The following PF4V1 variants were observed in gnomAD, a reference collection of about 807,000 sequenced individuals.
The protein encoded by PF4V1 is platelet factor 4 variant 1, also known as platelet factor 4 variant.
PF4V1 carries 4 observed loss-of-function variants against 6.9 expected under a neutral mutation model. That is an observed-to-expected ratio of 0.58 (90% confidence interval 0.29 to 1.34). The LOEUF (loss-of-function observed/expected upper bound fraction) is 1.34, where lower values mean the gene tolerates loss of function less well. PF4V1 is among the 40% of genes most tolerant of loss of function. PF4V1 has a pLI of 0.09. For synonymous variants in PF4V1, 68 were observed against 55.9 expected (o/e 1.22, Z -0.97); for missense variants, 127 against 128.6 (o/e 0.99, Z 0.06).
chr4:73,854,076 A>G lies in PF4V1; in HGVS notation c.269A>G (p.Gln90Arg). Residue 90 changes from glutamine to arginine, a missense_variant, in exon 3 of 3, where the codon CAA becomes CGA. By Grantham distance (43) the Gln-to-Arg change is conservative (BLOSUM62 1). Transcript: ENST00000226524. The part of the protein sequence containing the change: ...KNGRKICLDL[Q>R]ALLYKKIIKE... ...GGGAGGAAAATTTGCTTGGATCTGC[A>G]AGCCCTGCTGTACAAGAAAATCATT... The G allele has an allele frequency of 6.2e-7, 1 of 1,614,204 alleles. No homozygotes were observed. Among genetic ancestry groups the G allele is most frequent in the Non-Finnish European group, 8.5e-7 (1 of 1,180,014 alleles).
intron 1 of PF4V1, among the ~76,000 whole-genome samples, 153 bp from the exon 2 acceptor site, chr4:73,853,630 A>T (rs1731476040): frequency 6.6e-6 from 1 of 152,214 alleles, no homozygotes; most frequent in Non-Finnish European, 1.5e-5. Flanking sequence ...TCGCCACCTG[A>T]TCAGCACAAC....
At chr4:73,853,602 A>T in intron 1 of PF4V1, 140 bp downstream of exon 1, 1 of 1,265,840 alleles carries the variant, frequency 7.9e-7, no homozygotes, top group Non-Finnish European at 1.1e-6. Context: ...GTACAGTGCC[A>T]GGCACTGCAC....
chr4:73,853,705 C>T, intron 1 of PF4V1, 78 bp from the exon 2 acceptor site: 1 of 1,517,010 alleles, frequency 6.6e-7, no homozygotes, highest in South Asian at 1.2e-5. Flanking sequence ...GGAAAAGGTC[C>T]CTAAAGTATC....
chr4:73,853,679 G>T, intron 1 of PF4V1, 104 bp from the exon 2 acceptor site: 2 of 1,449,252 alleles, frequency 1.4e-6, no homozygotes, highest in Non-Finnish European at 1.9e-6. Context: ...CTAAGGAAAA[G>T]AAAGCTGAAG....
rs748049136 is a variant in PF4V1 at position 73,853,868 on chromosome 4, G to T, written c.186G>T (p.Glu62Asp). 2 of 1,612,756 alleles carry T rather than the reference G, an allele frequency of 1.2e-6. No individual in the cohort carries two copies. The highest frequency in any genetic ancestry group is 2.7e-5 in the African/African-American group (2 of 74,176). Residue 62 changes from glutamate (E) to aspartate (D), a missense_variant, in exon 2 of 3, where the codon GAG (glutamate) becomes GAT (aspartate). Physicochemically the swap from Glu to Asp is conservative, Grantham distance 45 (BLOSUM62 2). Coordinates refer to ENST00000226524, the MANE Select transcript of PF4V1 (RefSeq NM_002620.4). ...QVRPRHITSL[E>D]VIKAGPHCPT... is the part of the protein sequence containing the mutation. Reference sequence around the variant, plus strand: ...GTCCCAGGCACATCACCAGCCTGGAGGTGATCAAGGCCGGACCCCACTGCC... The same window carrying T: ...GTCCCAGGCACATCACCAGCCTGGATGTGATCAAGGCCGGACCCCACTGCC...
Position 73,853,327 on chromosome 4 carries a change from T to C in PF4V1, c.-36T>C. 1 of 1,566,272 alleles carries C rather than the reference T, an allele frequency of 6.4e-7. No homozygotes were observed. The highest frequency in any genetic ancestry group is 8.8e-7 in the Non-Finnish European group (1 of 1,136,708). ...TGCAGAACCCCAGCCCGACTTTCCC[T>C]GCGCACTGGGATCCTGCTGGAACCT... On this transcript the variant is annotated 5_prime_UTR_variant, in exon 1 of 3. Coordinates refer to ENST00000226524, the MANE Select transcript of PF4V1 (RefSeq NM_002620.4).
In PF4V1 at chr4:73,854,225, G is replaced by T; in HGVS notation, c.*103G>T. 1 of 758,812 alleles carries T rather than the reference G, an allele frequency of 1.3e-6. No individual in the cohort carries two copies. Among genetic ancestry groups the T allele is most frequent in the Non-Finnish European group, 2.1e-6 (1 of 477,512 alleles). 47.0% of individuals were successfully genotyped at this position (758,812 alleles called of 1,614,324 possible). A position where few individuals can be genotyped will look rare whatever the true frequency, so the allele number is the denominator to read the frequency against. On this transcript the variant is annotated 3_prime_UTR_variant, in exon 3 of 3. Coordinates refer to ENST00000226524, the MANE Select transcript of PF4V1 (RefSeq NM_002620.4). ...ATATTAACGAAATAAATCAAGTTGTGGTATAGTCAATCTATTTCTTAATAA... is the reference window on the plus strand; with the variant it reads ...ATATTAACGAAATAAATCAAGTTGTTGTATAGTCAATCTATTTCTTAATAA...
chr4:73,853,515 G>A lies in PF4V1; in HGVS notation c.100+53G>A, dbSNP rs979324884. ...CCAGCAGCGGCGAGGGGGAGTCCGG[G>A]AAGCCCTGGGGCTGGGGAGGAATCC... On this transcript the variant is annotated intron_variant, in intron 1 of 2. Coordinates refer to ENST00000226524, the MANE Select transcript of PF4V1 (RefSeq NM_002620.4). 5 of 1,542,480 alleles carry A rather than the reference G, an allele frequency of 3.2e-6. No individual in the cohort carries two copies. The African/African-American group carries it at 6.8e-5, about 21-fold the overall frequency.
rs765426968 is a variant in PF4V1 at position 73,853,382 on chromosome 4, C to G, written c.20C>G (p.Ser7Cys). Residue 7 changes from serine (S) to cysteine (C), a missense_variant, in exon 1 of 3, where the codon TCC becomes TGC. Ser to Cys is a moderately radical substitution (Grantham distance 112). Coordinates refer to ENST00000226524, the MANE Select transcript of PF4V1 (RefSeq NM_002620.4). The stretch of plus-strand genomic sequence containing the variant: ...TGCAACATGAGCTCCGCAGCCAGGT[C>G]CCGCCTCACCCGCGCCACCCGCCAG... Reference protein sequence around the residue: MSSAARSRLTRATRQEM... With the variant: MSSAARCRLTRATRQEM... The G allele has an allele frequency of 1.9e-6, 3 of 1,614,014 alleles. No individual in the cohort carries two copies. The highest frequency in any genetic ancestry group is 1.7e-5 in the Admixed American group (1 of 60,030).
rs1049919764 is a variant in PF4V1, at chr4:73,853,350, C to G, written c.-13C>G. On this transcript the variant is annotated 5_prime_UTR_variant, in exon 1 of 3. Transcript: ENST00000226524. ...CCTGCGCACTGGGATCCTGCTGGAA[C>G]CTCAGCTGCAACATGAGCTCCGCAG... 5 of 1,611,238 alleles carry G rather than the reference C, an allele frequency of 3.1e-6. No homozygotes were observed. The African/African-American group carries it at 5.3e-5, about 17-fold the overall frequency.
In PF4V1 at chr4:73,853,763, T is replaced by A. The variant is rs773148241; in HGVS notation, c.101-20T>A. On this transcript the variant is annotated intron_variant, in intron 1 of 2. Coordinates refer to ENST00000226524, the MANE Select transcript of PF4V1 (RefSeq NM_002620.4). ...ACTCCCACCCCTCCTCCTCTCTTAC[T>A]CCCTCCCTTTCCCCCTCAGCTGAAG... 18 of 1,598,042 alleles carry A rather than the reference T, an allele frequency of 1.1e-5. No homozygotes were observed. Among genetic ancestry groups the A allele is most frequent in the Non-Finnish European group, 1.5e-5 (17 of 1,171,750 alleles).
At chr4:73,853,502 A>AG (rs1367712570) in intron 1 of PF4V1, 40 bp downstream of exon 1, 15 of 1,563,320 alleles carry the variant, frequency 9.6e-6, no homozygotes, top group Non-Finnish European at 1.2e-5. Flanking sequence ...AGCAGCGGCG[A>AG]GGGGGAGTCC....
In PF4V1 at chr4:73,853,897, C is replaced by A; in HGVS notation, c.215C>A (p.Thr72Asn). Residue 72 changes from threonine (T) to asparagine (N), a missense_variant, in exon 2 of 3, where the codon ACT becomes AAT. Transcript: ENST00000226524. Reference sequence around the variant, plus strand: ...ATCAAGGCCGGACCCCACTGCCCCACTGCCCAACTCATGTGAGTCCTCGCA... The same window carrying A: ...ATCAAGGCCGGACCCCACTGCCCCAATGCCCAACTCATGTGAGTCCTCGCA... ...EVIKAGPHCP[T>N]AQLIATLKNG... The A allele has an allele frequency of 6.2e-7, 1 of 1,609,128 alleles. No homozygotes were observed. The highest frequency in any genetic ancestry group is 8.5e-7 in the Non-Finnish European group (1 of 1,177,618).
intron 1 of PF4V1, 72 bp from the exon 2 acceptor site, chr4:73,853,711 G>A: frequency 6.6e-7 from 1 of 1,526,114 alleles, no homozygotes; most frequent in Non-Finnish European, 8.9e-7. Context: ...GGTCCCTAAA[G>A]TATCTCTGGC....
chr4:73,854,003 G>C (rs1411618064), intron 2 of PF4V1, 32 bp from the exon 3 acceptor site: 1 of 1,613,344 alleles, frequency 6.2e-7, no homozygotes, highest in South Asian at 1.1e-5. Flanking sequence ...CCCAAGGACT[G>C]AAAGTCACGT....
chr4:73,853,526 G>T, intron 1 of PF4V1, 64 bp downstream of exon 1: 1 of 1,525,568 alleles, frequency 6.6e-7, no homozygotes, highest in Non-Finnish European at 8.9e-7. Flanking sequence ...AAGCCCTGGG[G>T]CTGGGGAGGA....
Position 73,853,833 on chromosome 4 carries a change from T to G in PF4V1, c.151T>G (p.Ser51Ala). The G allele has an allele frequency of 6.2e-7, 1 of 1,612,906 alleles. No homozygotes were observed. The highest frequency in any genetic ancestry group is 2.2e-5 in the East Asian group (1 of 44,818). ...DLQCLCVKTTSQVRPRHITSL... is the reference protein window; with the variant it reads ...DLQCLCVKTTAQVRPRHITSL... ...GCAGTGCCTGTGTGTGAAGACCACCTCCCAGGTCCGTCCCAGGCACATCAC... is the reference window on the plus strand; with the variant it reads ...GCAGTGCCTGTGTGTGAAGACCACCGCCCAGGTCCGTCCCAGGCACATCAC... The change falls in exon 2 of 3, where the codon TCC becomes GCC. Residue 51 changes from serine to alanine, a missense_variant. Coordinates refer to ENST00000226524, the MANE Select transcript of PF4V1 (RefSeq NM_002620.4).
At position 73,853,388 on chromosome 4, in the gene PF4V1, TCACCCGCGC is replaced by T; in HGVS notation, c.34_42del (p.Ala12_Arg14del). On this transcript the variant is annotated inframe_deletion, in exon 1 of 3. Transcript: ENST00000226524. The stretch of plus-strand genomic sequence containing the variant: ...ATGAGCTCCGCAGCCAGGTCCCGCC[TCACCCGCGC>T]CACCCGCCAGGAGATGCTGTTCTTG... 1.2e-6 allele frequency: 2 copies of T among 1,614,094 alleles called. No individual in the cohort carries two copies. The highest frequency in any genetic ancestry group is 1.7e-4 in the Middle Eastern group (1 of 6,058).
chr4:73,853,358 G>GC lies in PF4V1; in HGVS notation c.-4dup, dbSNP rs1731466014. On this transcript the variant is annotated 5_prime_UTR_variant, in exon 1 of 3. Transcript: ENST00000226524. ...CTGGGATCCTGCTGGAACCTCAGCT[G>GC]CAACATGAGCTCCGCAGCCAGGTCC... is the stretch of plus-strand genomic sequence containing the variant. The GC allele has an allele frequency of 6.2e-7, 1 of 1,613,340 alleles. No homozygotes were observed.
Sources: allele counts gnomAD v4.1 joint callset (sites outside exome capture counted in the v4.1 genomes callset), GRCh38; gene constraint gnomAD v4.1.1; transcripts MANE v1.5; gene names NCBI Gene and HGNC (gene_info 2026-07-23, HGNC 2026-07-21).